The following NEFH variants were observed in gnomAD, a reference collection of about 807,000 sequenced individuals.
NEFH encodes the protein neurofilament heavy polypeptide.
NEFH carries 58 observed loss-of-function variants against 56.6 expected under a neutral mutation model. The ratio of observed to expected loss-of-function variants is 1.03; its 90% CI spans 0.83 to 1.28. NEFH has a LOEUF of 1.28. Ranked by LOEUF, NEFH falls within the 50% of genes most tolerant of loss-of-function variation. The pLI is 0.00. For synonymous variants in NEFH, 542 were observed against 545.8 expected, an observed-to-expected ratio of 0.99 and a Z score of 0.10; for missense variants, 1,221 against 1,307.6, an observed-to-expected ratio of 0.93 and a Z score of 1.02.
chr22:29,490,797 C>T lies in NEFH; in HGVS notation c.*94C>T. The T allele has an allele frequency of 6.4e-7, 1 of 1,569,334 alleles. No individual in the cohort carries two copies. Among genetic ancestry groups the T allele is most frequent in the Non-Finnish European group, 8.6e-7 (1 of 1,159,510 alleles). Reference sequence around the variant, plus strand: ...GTAACACAATTTTCACTTTTTCTGTCTTTATGTAAGAAGAAACTGCTTAGA... The same window carrying T: ...GTAACACAATTTTCACTTTTTCTGTTTTTATGTAAGAAGAAACTGCTTAGA... On this transcript the variant is annotated 3_prime_UTR_variant, in exon 4 of 4. Transcript: ENST00000310624.
rs371903742 is a variant in NEFH at position 29,485,927 on chromosome 22, G to A, written c.1208+80G>A. 83 of 1,516,636 alleles carry A rather than the reference G, an allele frequency of 5.5e-5. No individual in the cohort carries two copies. In the South Asian group the frequency reaches 6.0e-4, roughly 11 times the overall value. 93.9% of individuals were successfully genotyped at this position (1,516,636 alleles called of 1,614,324 possible). On this transcript the variant is annotated intron_variant, in intron 3 of 3. Coordinates refer to ENST00000310624, the MANE Select transcript of NEFH (RefSeq NM_021076.4). ...GCTAAGCCTTGGGTTTCAAGACCCCGTTTAGGCAGCCTACCTGTCTTAGGG... is the reference window on the plus strand; with the variant it reads ...GCTAAGCCTTGGGTTTCAAGACCCCATTTAGGCAGCCTACCTGTCTTAGGG...
At position 29,483,258 on chromosome 22, in the gene NEFH, G is replaced by A. The variant is rs112005621; in HGVS notation, c.884-117G>A. The A allele has an allele frequency of 2.6e-3, 2,499 of 971,426 alleles. 46 individuals are homozygous for A. In the African/African-American group the frequency reaches 0.038, roughly 15 times the overall value. 60.2% of individuals were successfully genotyped at this position (971,426 alleles called of 1,614,324 possible). The stretch of plus-strand genomic sequence containing the variant: ...TGCACCACTGCCCTCCAGCCTGGGC[G>A]AGAGCGAGAATCCGTCTCAAAAAAA... On this transcript the variant is annotated intron_variant, in intron 1 of 3. Coordinates refer to ENST00000310624, the MANE Select transcript of NEFH (RefSeq NM_021076.4).
In NEFH at chr22:29,490,641, G is replaced by C; in HGVS notation, c.3001G>C (p.Asp1001His). 2 of 1,614,090 alleles carry C rather than the reference G, an allele frequency of 1.2e-6. No homozygotes were observed. Among genetic ancestry groups the C allele is most frequent in the Non-Finnish European group, 1.7e-6 (2 of 1,180,024 alleles). ...AAAGGCTGAAAAATCCTCCAGCACA[G>C]ACCAAAAAGACAGCAAGCCTCCAGA... Reference protein sequence around the residue: ...AEKAEKSSSTDQKDSKPPEKA... With the variant: ...AEKAEKSSSTHQKDSKPPEKA... Residue 1001 changes from aspartate to histidine, a missense_variant, in exon 4 of 4, where the codon GAC becomes CAC. Around this residue, in one of 4 missense-constraint regions of NEFH, gnomAD observed 301 missense variants for 346.6 expected, o/e 0.87. Transcript: ENST00000310624.
At position 29,489,930 on chromosome 22, in the gene NEFH, C is replaced by G. The variant is rs1435294050; in HGVS notation, c.2290C>G (p.Pro764Ala). The change falls in exon 4 of 4, where the codon CCA becomes GCA. Residue 764 changes from proline to alanine, a missense_variant. Coordinates refer to ENST00000310624, the MANE Select transcript of NEFH (RefSeq NM_021076.4). The stretch of plus-strand genomic sequence containing the variant: ...GGCCAAGACTCTTGATGTGAAGTCT[C>G]CAGAAGCCAAGACTCCAGCGAAGGA... Reference protein sequence around the residue: ...EKAKTLDVKSPEAKTPAKEEA... With the variant: ...EKAKTLDVKSAEAKTPAKEEA... 6.2e-7 allele frequency: 1 copy of G among 1,612,426 alleles called. No homozygotes were observed. Among genetic ancestry groups the G allele is most frequent in the Non-Finnish European group, 8.5e-7 (1 of 1,179,676 alleles).
chr22:29,491,242 A>C lies in NEFH; in HGVS notation c.*539A>C, dbSNP rs1315683329. 9.8e-6 allele frequency: 2 copies of C among 203,494 alleles called. No individual in the cohort carries two copies. Among genetic ancestry groups the C allele is most frequent in the Non-Finnish European group, 2.0e-5 (2 of 99,010 alleles). 12.6% of individuals were successfully genotyped at this position (203,494 alleles called of 1,614,324 possible). ...CAGGGCGCACTTTCCACTGGAGTTC[A>C]CTTTCAATTGCTTCTGTGCAATAAA... On this transcript the variant is annotated 3_prime_UTR_variant, in exon 4 of 4. Transcript: ENST00000310624.
Position 29,489,821 on chromosome 22 carries a change from G to C in NEFH, c.2181G>C (p.Lys727Asn). The part of the protein sequence containing the change: ...KSPEKAKSPV[K>N]EEAKTPEKAK... ...CTGAGAAGGCCAAGTCCCCAGTGAA[G>C]GAAGAAGCAAAGACCCCCGAGAAGG... The change falls in exon 4 of 4, where the codon AAG becomes AAC. Residue 727 changes from lysine to asparagine, a missense_variant. This residue lies in a region of NEFH where 301 missense variants were observed against 346.6 expected (regional missense o/e 0.87). Transcript: ENST00000310624. 1 of 1,612,072 alleles carries C rather than the reference G, an allele frequency of 6.2e-7. No individual in the cohort carries two copies. Among genetic ancestry groups the C allele is most frequent in the Non-Finnish European group, 8.5e-7 (1 of 1,179,470 alleles).
chr22:29,489,575 A>AGCAAAGTCCCCTGAGAAG lies in NEFH; in HGVS notation c.1938_1955dup (p.Ala652_Lys657dup). The AGCAAAGTCCCCTGAGAAG allele has an allele frequency of 2.2e-6, 1 of 447,114 alleles. No homozygotes were observed. Among genetic ancestry groups the AGCAAAGTCCCCTGAGAAG allele is most frequent in the Non-Finnish European group, 3.2e-6 (1 of 308,544 alleles). The allele number at this position is 447,114 out of a possible 1,614,324, so 27.7% of individuals were successfully genotyped here. A position where few individuals can be genotyped will look rare whatever the true frequency, so the allele number is the denominator to read the frequency against. On this transcript the variant is annotated inframe_insertion, in exon 4 of 4. Coordinates refer to ENST00000310624, the MANE Select transcript of NEFH (RefSeq NM_021076.4). ...AGGCCAAGTCTCCAACGAAGGAGGA[A>AGCAAAGTCCCCTGAGAAG]GCAAAGTCCCCTGAGAAGGCCAAGT...
At chr22:29,483,945 G>C (rs2146394965) in intron 2 of NEFH, among the ~76,000 whole-genome samples, 1 of 152,076 alleles carries the variant, frequency 6.6e-6, no homozygotes, top group South Asian at 2.1e-4. Context: ...TGCCTCCTGG[G>C]CTCAAGAGAT....
Position 29,483,504 on chromosome 22 carries a change from C to T in NEFH, c.1013C>T (p.Thr338Ile), listed in dbSNP as rs774252076. The change falls in exon 2 of 4, where the codon ACC becomes ATC. Residue 338 changes from threonine to isoleucine, a missense_variant. By Grantham distance (89) the Thr-to-Ile change is moderately conservative. Around this residue, in one of 4 missense-constraint regions of NEFH, gnomAD observed 640 missense variants for 555.5 expected, o/e 1.15. Coordinates refer to ENST00000310624, the MANE Select transcript of NEFH (RefSeq NM_021076.4). ...ACAGAGCTGGAGGCACTGAAAAGCA[C>T]CAAGGACTCACTGGAGAGGCAGCGC... ...RTTELEALKSTKDSLERQRSE... is the reference protein window; with the variant it reads ...RTTELEALKSIKDSLERQRSE... 8.7e-6 allele frequency: 14 copies of T among 1,613,906 alleles called. No individual in the cohort carries two copies. Among genetic ancestry groups the T allele is most frequent in the Non-Finnish European group, 1.2e-5 (14 of 1,180,044 alleles).
At position 29,485,670 on chromosome 22, in the gene NEFH, A is replaced by G. The variant is rs1224377011; in HGVS notation, c.1084-53A>G. On this transcript the variant is annotated intron_variant, in intron 2 of 3. Coordinates refer to ENST00000310624, the MANE Select transcript of NEFH (RefSeq NM_021076.4). ...CACAGCCCGCCGCAGCTTCTCTGGT[A>G]CTGAGGGCCAGACACTGGCTGGCAT... 74 of 1,595,766 alleles carry G rather than the reference A, an allele frequency of 4.6e-5. 1 individual carries two copies. Among genetic ancestry groups the G allele is most frequent in the Non-Finnish European group, 6.1e-5 (72 of 1,171,864 alleles).
intron 1 of NEFH, among the ~76,000 whole-genome samples, chr22:29,481,721 C>CT (rs1197672316): frequency 6.6e-6 from 1 of 152,214 alleles, no homozygotes; most frequent in African/African-American, 2.4e-5. Context: ...GGAACCATTA[C>CT]TACAGTCAGT....
chr22:29,480,287 G>A lies in NEFH; in HGVS notation c.25G>A (p.Ala9Thr). 1.3e-6 allele frequency: 2 copies of A among 1,505,236 alleles called. No homozygotes were observed. The highest frequency in any genetic ancestry group is 1.8e-6 in the Non-Finnish European group (2 of 1,136,684). The allele number at this position is 1,505,236 out of a possible 1,614,324, so 93.2% of individuals were successfully genotyped here. Residue 9 changes from alanine (A) to threonine (T), a missense_variant, in exon 1 of 4, where the codon GCG (alanine) becomes ACG (threonine). Around this residue, in one of 4 missense-constraint regions of NEFH, gnomAD observed 640 missense variants for 555.5 expected, o/e 1.15. Transcript: ENST00000310624. ...CATGATGAGCTTCGGCGGCGCGGAC[G>A]CGCTGCTGGGCGCCCCGTTCGCGCC... The part of the protein sequence containing the change: MMSFGGAD[A>T]LLGAPFAPLH...
chr22:29,490,143 G>C lies in NEFH; in HGVS notation c.2503G>C (p.Val835Leu). ...KEEEKPQEVKVKEPPKKAEEE... is the reference protein window; with the variant it reads ...KEEEKPQEVKLKEPPKKAEEE... Reference sequence around the variant, plus strand: ...GGAGGAGAAGCCCCAGGAGGTGAAAGTCAAAGAGCCCCCAAAGAAGGCAGA... The same window carrying C: ...GGAGGAGAAGCCCCAGGAGGTGAAACTCAAAGAGCCCCCAAAGAAGGCAGA... The change falls in exon 4 of 4, where the codon GTC becomes CTC. Residue 835 changes from valine to leucine, a missense_variant. Val to Leu is a conservative substitution (Grantham distance 32, BLOSUM62 1). This residue lies in a region of NEFH where 301 missense variants were observed against 346.6 expected (regional missense o/e 0.87). Coordinates refer to ENST00000310624, the MANE Select transcript of NEFH (RefSeq NM_021076.4). 6.2e-7 allele frequency: 1 copy of C among 1,613,852 alleles called. No individual in the cohort carries two copies. The highest frequency in any genetic ancestry group is 8.5e-7 in the Non-Finnish European group (1 of 1,179,956).
Position 29,480,390 on chromosome 22 carries a change from C to T in NEFH, c.128C>T (p.Ser43Phe). ...GGCGGGACGCGCTCCGCCGCTGGCT[C>T]CTCCAGCGGCTTCCACTCGTGGACA... ...GAGGTRSAAG[S>F]SSGFHSWTRT... The change falls in exon 1 of 4, where the codon TCC (serine) becomes TTC (phenylalanine). Residue 43 changes from serine (S) to phenylalanine (F), a missense_variant. Physicochemically the swap from Ser to Phe is radical, Grantham distance 155. This residue lies in a region of NEFH where 640 missense variants were observed against 555.5 expected (regional missense o/e 1.15). Coordinates refer to ENST00000310624, the MANE Select transcript of NEFH (RefSeq NM_021076.4). The T allele has an allele frequency of 6.5e-7, 1 of 1,536,626 alleles. No individual in the cohort carries two copies. Among genetic ancestry groups the T allele is most frequent in the African/African-American group, 1.4e-5 (1 of 72,918 alleles).
chr22:29,481,595 A>C (rs2063010798), intron 1 of NEFH, among the ~76,000 whole-genome samples: 1 of 152,146 alleles, frequency 6.6e-6, no homozygotes, highest in Admixed American at 6.5e-5. Flanking sequence ...AAGAAACTCT[A>C]TTCCTCTCAC....
Position 29,489,915 on chromosome 22 carries a change from CTTGAT to C in NEFH, c.2276_2280del (p.Leu759ArgfsTer23). The C allele has an allele frequency of 6.2e-7, 1 of 1,613,076 alleles. No homozygotes were observed. Among genetic ancestry groups the C allele is most frequent in the Non-Finnish European group, 8.5e-7 (1 of 1,179,902 alleles). Reference sequence around the variant, plus strand: ...CAAGTCCCCAGAGAAGGCCAAGACTCTTGATGTGAAGTCTCCAGAAGCCAAGACTC... The same window carrying C: ...CAAGTCCCCAGAGAAGGCCAAGACTCGTGAAGTCTCCAGAAGCCAAGACTC... On this transcript the variant is annotated frameshift_variant, in exon 4 of 4. Transcript: ENST00000310624. LOFTEE classifies it high-confidence loss of function.
rs753957867 is a variant in NEFH, at chr22:29,483,374, G to T, written c.884-1G>T. On this transcript the variant is annotated splice_acceptor_variant, in intron 1 of 3. Transcript: ENST00000310624. LOFTEE classifies it high-confidence loss of function. ...CTGTGCCCTGCTACCTTCTCCCCCA[G>T]TGAGGCTGGACCGACTGTCGGAGGC... is the stretch of plus-strand genomic sequence containing the variant. 2.5e-6 allele frequency: 4 copies of T among 1,613,794 alleles called. No homozygotes were observed. The highest frequency in any genetic ancestry group is 1.7e-5 in the Admixed American group (1 of 60,026).
intron 3 of NEFH, among the ~76,000 whole-genome samples, chr22:29,487,688 C>A (rs1278773843): frequency 6.6e-6 from 1 of 152,158 alleles, no homozygotes; most frequent in Non-Finnish European, 1.5e-5. Flanking sequence ...CCTCCCCAGA[C>A]CTGCTGAATC....
At chr22:29,488,180 T>C (rs1175229160) in intron 3 of NEFH, among the ~76,000 whole-genome samples, 3 of 152,110 alleles carry the variant, frequency 2.0e-5, no homozygotes, top group Non-Finnish European at 4.4e-5. Context: ...CTGACCAATA[T>C]GGTGAAACCC....
Sources: gnomAD v4.1 joint callset for allele counts (sites outside exome capture counted in the v4.1 genomes callset) on GRCh38, gnomAD v4.1.1 for gene constraint, gnomAD v4.1.1 regional missense constraint, MANE v1.5 for transcripts, NCBI Gene and HGNC (gene_info 2026-07-23, HGNC 2026-07-21) for gene names.